The following MAPK4 variants were observed in gnomAD, a reference collection of about 807,000 sequenced individuals.
MAPK4 encodes the protein Erk3-related.
A neutral mutation model predicts 47.7 loss-of-function variants in MAPK4; 22 were observed. The ratio of observed to expected loss-of-function variants is 0.46; its 90% CI spans 0.33 to 0.66. The LOEUF (loss-of-function observed/expected upper bound fraction) is 0.66. Among genes scored for constraint, MAPK4 ranks in the 30% least tolerant of loss-of-function variants. The pLI is 0.02. For synonymous variants in MAPK4, 390 were observed against 365.7 expected (o/e 1.07, Z -0.76); for missense variants, 736 against 831.7 (o/e 0.88, Z 1.42).
At chr18:50,569,416 A>G (rs2042231084) in intron 1 of MAPK4, among the ~76,000 whole-genome samples, 1 of 152,220 alleles carries the variant, frequency 6.6e-6, no homozygotes, top group African/African-American at 2.4e-5. Context: ...GAGAATTTTA[A>G]TTAACTTCTT....
At chr18:50,626,845 C>A (rs1286090140) in intron 1 of MAPK4, among the ~76,000 whole-genome samples, 1 of 152,200 alleles carries the variant, frequency 6.6e-6, no homozygotes, top group East Asian at 1.9e-4. Context: ...ACTCTTTGCG[C>A]TTGCACGTGG....
At chr18:50,682,466 A>T (rs540677444) in intron 2 of MAPK4, among the ~76,000 whole-genome samples, 1 of 152,322 alleles carries the variant, frequency 6.6e-6, no homozygotes, top group Admixed American at 6.5e-5. Flanking sequence ...ATAGCAAAAC[A>T]TGACAAAAAC....
chr18:50,729,573 C>CAGTG lies in MAPK4; in HGVS notation c.1484_1487dup (p.Trp496Ter). 7.0e-7 allele frequency: 1 copy of CAGTG among 1,424,524 alleles called. No individual in the cohort carries two copies. The highest frequency in any genetic ancestry group is 9.2e-7 in the Non-Finnish European group (1 of 1,088,098). The allele number at this position is 1,424,524 out of a possible 1,614,324, so 88.2% of individuals were successfully genotyped here. A position where few individuals can be genotyped will look rare whatever the true frequency, so the allele number is the denominator to read the frequency against. On this transcript the variant is annotated stop_gained and frameshift_variant, in exon 6 of 6. Transcript: ENST00000400384. LOFTEE classifies it high-confidence loss of function. ...GGCCAGCCTCTTCCTGGAGATCGCG[C>CAGTG]AGTGGGTCAAGAGCACGCAGGGCGG...
chr18:50,585,265 A>G (rs778416388), intron 1 of MAPK4, among the ~76,000 whole-genome samples: 2 of 152,166 alleles, frequency 1.3e-5, no homozygotes, highest in African/African-American at 2.4e-5. Context: ...TGGGCTGTGA[A>G]CCACTGGCTT....
chr18:50,630,388 C>A (rs948476650), intron 1 of MAPK4, among the ~76,000 whole-genome samples: 1 of 152,158 alleles, frequency 6.6e-6, no homozygotes, highest in Non-Finnish European at 1.5e-5. Context: ...AGGGTTTCAC[C>A]ATATTGGCCA....
At chr18:50,583,353 C>G (rs1471829469) in intron 1 of MAPK4, among the ~76,000 whole-genome samples, 1 of 152,136 alleles carries the variant, frequency 6.6e-6, no homozygotes, top group Non-Finnish European at 1.5e-5. Context: ...TTTGGGAGGC[C>G]AAGGTGAGTG....
chr18:50,662,007 C>A (rs747523887), intron 1 of MAPK4, among the ~76,000 whole-genome samples: 9 of 152,328 alleles, frequency 5.9e-5, no homozygotes, highest in South Asian at 4.1e-4. Flanking sequence ...TTTACTATTT[C>A]AGATCATCTG....
intron 1 of MAPK4, among the ~76,000 whole-genome samples, chr18:50,619,866 G>A (rs537457234): frequency 2.8e-4 from 42 of 152,330 alleles, no homozygotes; most frequent in South Asian, 1.5e-3. Flanking sequence ...TCTCTCTGCG[G>A]TGCTAGTGAG....
At chr18:50,620,466 T>C (rs2042722082) in intron 1 of MAPK4, among the ~76,000 whole-genome samples, 1 of 152,242 alleles carries the variant, frequency 6.6e-6, no homozygotes, top group Non-Finnish European at 1.5e-5. Flanking sequence ...TATCTTCATG[T>C]GGCCATGAAC....
intron 1 of MAPK4, among the ~76,000 whole-genome samples, chr18:50,623,057 CAAAAT>C (rs1311470460): frequency 6.6e-6 from 1 of 152,220 alleles, no homozygotes; most frequent in African/African-American, 2.4e-5. Context: ...GCTAAGGAAA[CAAAAT>C]AATTTATAGT....
intron 1 of MAPK4, among the ~76,000 whole-genome samples, chr18:50,646,168 TTTTG>T (rs1204311913): frequency 2.6e-5 from 4 of 152,106 alleles, no homozygotes; most frequent in Admixed American, 6.5e-5. Flanking sequence ...AGTTGGTGTT[TTTTG>T]TTTGTTTGTT....
chr18:50,597,223 A>T (rs1202245419), intron 1 of MAPK4, among the ~76,000 whole-genome samples: 1 of 152,202 alleles, frequency 6.6e-6, no homozygotes, highest in African/African-American at 2.4e-5. Context: ...ACCTTTACTA[A>T]GCACTTTGTA....
chr18:50,651,243 A>ATTGCTTTCT lies in MAPK4; in HGVS notation c.-870-11844_-870-11836dup, dbSNP rs528542817. ...CCATCTCCCTGGGTCCATGAGCTCC[A>ATTGCTTTCT]TTGCTTTCTTGTCCACTCCGCACCC... On this transcript the variant is annotated intron_variant, in intron 1 of 5. Coordinates refer to ENST00000400384, the MANE Select transcript of MAPK4 (RefSeq NM_002747.4). 4.8e-4 allele frequency among the ~76,000 whole-genome samples: 73 copies of ATTGCTTTCT among 152,216 alleles called. No homozygotes were observed. In the East Asian group the frequency reaches 0.014, roughly 29 times the overall value.
intron 3 of MAPK4, among the ~76,000 whole-genome samples, chr18:50,720,688 C>T: frequency 6.6e-6 from 1 of 152,172 alleles, no homozygotes; most frequent in Non-Finnish European, 1.5e-5. Flanking sequence ...CTGTCTGCAG[C>T]TTGATCACCC....
chr18:50,585,792 T>C (rs766777694), intron 1 of MAPK4, among the ~76,000 whole-genome samples: 4 of 152,214 alleles, frequency 2.6e-5, no homozygotes, highest in South Asian at 4.1e-4. Context: ...AGGAAACTTA[T>C]AGCAGAAGGT....
chr18:50,647,462 A>G (rs1029924195), intron 1 of MAPK4, among the ~76,000 whole-genome samples: 3 of 152,182 alleles, frequency 2.0e-5, no homozygotes, highest in African/African-American at 7.2e-5. Flanking sequence ...GAGAAGAAAA[A>G]GAAATGAACA....
At chr18:50,715,620 G>A (rs769616357) in intron 3 of MAPK4, among the ~76,000 whole-genome samples, 17 of 152,216 alleles carry the variant, frequency 1.1e-4, no homozygotes, top group Non-Finnish European at 2.4e-4. Context: ...GCTGGAGGGA[G>A]CTTGTTTGCC....
rs956230802 is a variant in MAPK4 at position 50,724,899 on chromosome 18, C to T, written c.854-1063C>T. Reference sequence around the variant, plus strand: ...ATGAGGAGCCAAGTCATGATTTAAGCGGACCTCCAGAGATGCCAGTGCTGA... The same window carrying T: ...ATGAGGAGCCAAGTCATGATTTAAGTGGACCTCCAGAGATGCCAGTGCTGA... On this transcript the variant is annotated intron_variant, in intron 4 of 5. Transcript: ENST00000400384. Among the ~76,000 whole-genome samples, 7 of 152,282 alleles carry T rather than the reference C, an allele frequency of 4.6e-5. 1 individual carries two copies. In the South Asian group the frequency reaches 8.3e-4, roughly 18 times the overall value.
At chr18:50,615,265 T>C (rs2042674916) in intron 1 of MAPK4, among the ~76,000 whole-genome samples, 1 of 152,124 alleles carries the variant, frequency 6.6e-6, no homozygotes, top group South Asian at 2.1e-4. Flanking sequence ...TCTGTCTAAG[T>C]TGTGGTGGAA....
Sources: allele counts gnomAD v4.1 joint callset (sites outside exome capture counted in the v4.1 genomes callset), GRCh38; gene constraint gnomAD v4.1.1; transcripts MANE v1.5; gene names NCBI Gene and HGNC (gene_info 2026-07-23, HGNC 2026-07-21).